The following EHMT1 variants were observed in gnomAD, a reference collection of about 807,000 sequenced individuals.
EHMT1 encodes histone-lysine N-methyltransferase EHMT1.
Under a neutral mutation model 147.2 loss-of-function variants are expected in EHMT1, and 15 were observed. The observed-to-expected ratio is 0.10, with a 90% confidence interval of 0.07 to 0.16. EHMT1 has a LOEUF of 0.16. Ranked by LOEUF, EHMT1 falls within the 10% of genes least tolerant of loss-of-function variation. The probability of loss-of-function intolerance (pLI) is 1.00; values close to 1 mark genes in which losing one functional copy is unlikely to be tolerated. For synonymous variants in EHMT1, 795 were observed against 709.6 expected (o/e 1.12, Z -1.91); for missense variants, 1,587 against 1,772.4 (o/e 0.90, Z 1.88).
intron 8 of EHMT1, among the ~76,000 whole-genome samples, chr9:137,756,701 G>A (rs1328206541): frequency 6.6e-6 from 1 of 152,216 alleles, no homozygotes; most frequent in Non-Finnish European, 1.5e-5. Context: ...AGTTGTTTTT[G>A]GGGTAGAGAT....
intron 9 of EHMT1, among the ~76,000 whole-genome samples, chr9:137,758,646 A>G (rs1949564045): frequency 6.6e-6 from 1 of 152,216 alleles, no homozygotes; most frequent in South Asian, 2.1e-4. Flanking sequence ...GATGTGGAGG[A>G]AATGCAAATC....
At chr9:137,833,329 C>T (rs116832016) in intron 25 of EHMT1, among the ~76,000 whole-genome samples, 134 of 152,352 alleles carry the variant, frequency 8.8e-4, no homozygotes, top group African/African-American at 3.0e-3. Flanking sequence ...GGTAACAAAC[C>T]ACGCCACCCA....
intron 3 of EHMT1, among the ~76,000 whole-genome samples, chr9:137,720,942 CCA>C (rs1490969206): frequency 2.0e-5 from 3 of 152,110 alleles, no homozygotes; most frequent in Non-Finnish European, 2.9e-5. Context: ...GAACCACACT[CCA>C]GAGTGGCTGC....
At chr9:137,831,359 A>G (rs1357915932) in intron 25 of EHMT1, among the ~76,000 whole-genome samples, 2 of 152,204 alleles carry the variant, frequency 1.3e-5, no homozygotes, top group African/African-American at 4.8e-5. Context: ...GAGAGTCATC[A>G]TATTGTCCGT....
intron 1 of EHMT1, among the ~76,000 whole-genome samples, chr9:137,620,751 G>A (rs1842903266): frequency 6.6e-6 from 1 of 152,176 alleles, no homozygotes; most frequent in Non-Finnish European, 1.5e-5. Context: ...TCGGTTGTAG[G>A]ACCAGCACTA....
At chr9:137,790,070 A>G (rs1380704792) in intron 15 of EHMT1, among the ~76,000 whole-genome samples, 2 of 152,218 alleles carry the variant, frequency 1.3e-5, no homozygotes, top group Non-Finnish European at 2.9e-5. Context: ...CTCATTTTCC[A>G]TATAGACCAT....
chr9:137,694,283 C>G (rs1943206246), intron 1 of EHMT1, among the ~76,000 whole-genome samples: 1 of 129,686 alleles, frequency 7.7e-6, no homozygotes, highest in African/African-American at 3.0e-5. Context: ...CTGGCCGATA[C>G]CCCCACACAG....
At chr9:137,798,627 G>C (rs1953165522) in intron 16 of EHMT1, among the ~76,000 whole-genome samples, 186 bp from the exon 17 acceptor site, 1 of 152,180 alleles carries the variant, frequency 6.6e-6, no homozygotes, top group African/African-American at 2.4e-5. Flanking sequence ...TGGGGCCACA[G>C]GGGGCTGCAC....
chr9:137,788,762 TC>T (rs1470137614), intron 15 of EHMT1: 1 of 152,136 alleles, frequency 6.6e-6, no homozygotes, highest in Non-Finnish European at 1.5e-5. Context: ...GCGCCGTCCG[TC>T]AGAGCCTCGC....
chr9:137,734,110 A>G (rs1416676254), intron 4 of EHMT1, among the ~76,000 whole-genome samples: 1 of 152,238 alleles, frequency 6.6e-6, no homozygotes, highest in African/African-American at 2.4e-5. Context: ...ACAGGAAGGT[A>G]TGGCCCAATC....
intron 6 of EHMT1, chr9:137,747,071 A>G (rs1423800038): frequency 6.6e-6 from 1 of 152,248 alleles, no homozygotes; most frequent in Non-Finnish European, 1.5e-5. Context: ...GCTCCAGAGA[A>G]TAGAGAAGGA....
chr9:137,791,233 G>GTA (rs1213037554), intron 16 of EHMT1, among the ~76,000 whole-genome samples: 1 of 152,146 alleles, frequency 6.6e-6, no homozygotes, highest in African/African-American at 2.4e-5. Context: ...TCGCCTTACA[G>GTA]TACATCGTCT....
At chr9:137,744,960 G>T (rs1948423994) in intron 6 of EHMT1, among the ~76,000 whole-genome samples, 1 of 152,232 alleles carries the variant, frequency 6.6e-6, no homozygotes, top group Non-Finnish European at 1.5e-5. Context: ...AGTTCTGAGG[G>T]GTCAGTTAGG....
At chr9:137,820,292 G>A (rs1342325376) in intron 25 of EHMT1, among the ~76,000 whole-genome samples, 7 of 152,222 alleles carry the variant, frequency 4.6e-5, no homozygotes, top group Non-Finnish European at 1.0e-4. Context: ...ACCTCCATGT[G>A]TGCATGCCGT....
intron 10 of EHMT1, among the ~76,000 whole-genome samples, chr9:137,768,347 G>T (rs1386167769): frequency 1.7e-4 from 16 of 92,510 alleles, no homozygotes; most frequent in East Asian, 2.9e-4. Flanking sequence ...TTTTCTGTGT[G>T]TTTTTTTTTT....
At chr9:137,667,322 A>G (rs1012769902) in intron 1 of EHMT1, 1 of 152,290 alleles carries the variant, frequency 6.6e-6, no homozygotes, top group South Asian at 2.1e-4. Context: ...GGTTAGCTCA[A>G]CCCTTAGAGA....
At chr9:137,807,302 A>G (rs1315352267) in intron 18 of EHMT1, among the ~76,000 whole-genome samples, 1 of 151,442 alleles carries the variant, frequency 6.6e-6, no homozygotes, top group East Asian at 1.9e-4. Context: ...CTTCTAGTCC[A>G]CTCATCTTTT....
chr9:137,802,610 CATT>C (rs1953589766), intron 18 of EHMT1: 1 of 403,456 alleles, frequency 2.5e-6, no homozygotes. Flanking sequence ...GGGCCCTTGC[CATT>C]CATTGTTGGC....
At chr9:137,740,769 C>T (rs1366853022) in intron 4 of EHMT1, among the ~76,000 whole-genome samples, 3 of 152,202 alleles carry the variant, frequency 2.0e-5, no homozygotes, top group Non-Finnish European at 2.9e-5. Flanking sequence ...TTGTTTGCAG[C>T]AGACAGACTT....
Sources: allele counts gnomAD v4.1 joint callset (sites outside exome capture counted in the v4.1 genomes callset), GRCh38; gene constraint gnomAD v4.1.1; transcripts MANE v1.5; gene names NCBI Gene and HGNC (gene_info 2026-07-23, HGNC 2026-07-21).